The following SNX25 variants were observed in gnomAD, a reference collection of about 807,000 sequenced individuals.
SNX25 encodes the protein sorting nexin 25, also known as sorting nexin-25.
In SNX25, 62 loss-of-function variants were observed where a neutral mutation model predicts 113.7. The observed-to-expected ratio is 0.55, with a 90% CI of 0.44 to 0.67. The LOEUF (loss-of-function observed/expected upper bound fraction) is 0.67, where lower values mean the gene tolerates loss of function less well. Ranked by LOEUF, SNX25 falls within the 30% of genes least tolerant of loss-of-function variation. The pLI, the probability that SNX25 is intolerant of heterozygous loss-of-function variation, is 0.00. For missense variants in SNX25, 1,014 were observed against 1,161.0 expected (o/e 0.87, Z 1.84); for synonymous variants, 421 against 436.2 (o/e 0.97, Z 0.43).
At chr4:185,294,881 T>C (rs1055437294) in intron 6 of SNX25, among the ~76,000 whole-genome samples, 6 of 152,300 alleles carry the variant, frequency 3.9e-5, no homozygotes, top group Admixed American at 2.0e-4. Context: ...TTACTTTTTC[T>C]TTTAACTCAG....
downstream of SNX25, chr4:185,370,979 C>G: frequency 1.6e-6 from 1 of 623,286 alleles, no homozygotes; most frequent in Non-Finnish European, 2.7e-6. Context: ...GCACCTCATA[C>G]CAGGAGAAGA....
rs2095344802 is a variant in SNX25, at chr4:185,357,614, A to G, written c.2585-57A>G. 3 of 1,365,016 alleles carry G rather than the reference A, an allele frequency of 2.2e-6. No homozygotes were observed. The South Asian group carries it at 3.5e-5, about 16-fold the overall frequency. The allele number at this position is 1,365,016 out of a possible 1,614,324, so 84.6% of individuals were successfully genotyped here. A position where few individuals can be genotyped will look rare whatever the true frequency, so the allele number is the denominator to read the frequency against. ...GATTTATGCTTTGTACAGCTATGAAAATGTCCCAAATTGTGATGCCCTGTG... is the reference window on the plus strand; with the variant it reads ...GATTTATGCTTTGTACAGCTATGAAGATGTCCCAAATTGTGATGCCCTGTG... On this transcript the variant is annotated intron_variant, in intron 15 of 18. Coordinates refer to ENST00000652585, the MANE Select transcript of SNX25 (RefSeq NM_001378034.2).
chr4:185,259,911 A>G (rs1047006852), intron 3 of SNX25, among the ~76,000 whole-genome samples: 1 of 151,838 alleles, frequency 6.6e-6, no homozygotes, highest in Non-Finnish European at 1.5e-5. Context: ...GCAGGTCTCC[A>G]TTCCCAGCTG....
At chr4:185,346,934 C>T (rs1311653208) in intron 13 of SNX25, among the ~76,000 whole-genome samples, 1 of 152,250 alleles carries the variant, frequency 6.6e-6, no homozygotes, top group East Asian at 1.9e-4. Flanking sequence ...CCCATCGCTG[C>T]AGCCCCTCTA....
intron 2 of SNX25, 82 bp from the exon 3 acceptor site, chr4:185,258,766 G>A (rs984292066): frequency 9.4e-7 from 1 of 1,062,760 alleles, no homozygotes; most frequent in South Asian, 1.4e-5. Context: ...TAAATAGTAG[G>A]TGGCCAGTTT....
intron 1 of SNX25, among the ~76,000 whole-genome samples, chr4:185,226,429 A>G (rs1390393105): frequency 2.6e-5 from 4 of 152,212 alleles, no homozygotes; most frequent in Non-Finnish European, 2.9e-5. Flanking sequence ...TGGTGGTCAC[A>G]TAAGTCTGAA....
chr4:185,220,431 G>C lies in SNX25; in HGVS notation c.429+10176G>C, dbSNP rs564714726. ...ATATCTCCTAATGCTTGTTCCTCTTGTTTCTGTGTCAGTGAATAGCACCTC... is the reference window on the plus strand; with the variant it reads ...ATATCTCCTAATGCTTGTTCCTCTTCTTTCTGTGTCAGTGAATAGCACCTC... On this transcript the variant is annotated intron_variant, in intron 1 of 18. Transcript: ENST00000652585. Among the ~76,000 whole-genome samples the C allele has an allele frequency of 4.0e-5, 6 of 148,486 alleles. No homozygotes were observed. In the South Asian group the frequency reaches 1.3e-3, roughly 32 times the overall value.
At chr4:185,277,063 C>G (rs757528867) in intron 5 of SNX25, among the ~76,000 whole-genome samples, 1 of 152,174 alleles carries the variant, frequency 6.6e-6, no homozygotes, top group Non-Finnish European at 1.5e-5. Context: ...CTCGCTCTGT[C>G]ACCCAGGCTG....
chr4:185,287,426 G>C (rs1056202419), intron 5 of SNX25, among the ~76,000 whole-genome samples: 1 of 152,196 alleles, frequency 6.6e-6, no homozygotes, highest in Non-Finnish European at 1.5e-5. Flanking sequence ...GCTGCACTCA[G>C]GCAGGGCAGT....
chr4:185,229,564 G>A (rs1256941572), intron 1 of SNX25, among the ~76,000 whole-genome samples: 1 of 152,162 alleles, frequency 6.6e-6, no homozygotes, highest in Non-Finnish European at 1.5e-5. Context: ...GCTGAGGGTG[G>A]GTAGAATGGG....
chr4:185,332,798 A>G, intron 10 of SNX25, 39 bp downstream of exon 10: 1 of 1,589,178 alleles, frequency 6.3e-7, no homozygotes, highest in Non-Finnish European at 8.6e-7. Context: ...GAAAGTTAAC[A>G]TTTGTCTAAT....
intron 1 of SNX25, among the ~76,000 whole-genome samples, chr4:185,237,475 C>T (rs1742811941): frequency 6.6e-6 from 1 of 152,074 alleles, no homozygotes; most frequent in South Asian, 2.1e-4. Context: ...ACTTTTCAAC[C>T]CCTCCGTGCT....
chr4:185,294,420 C>A (rs1752583416), intron 6 of SNX25, among the ~76,000 whole-genome samples: 1 of 152,084 alleles, frequency 6.6e-6, no homozygotes, highest in Non-Finnish European at 1.5e-5. Flanking sequence ...AGATTGAGTG[C>A]TCTAGATAAT....
At chr4:185,378,319 C>T in the SNX25 span, 1 of 1,466,160 alleles carries the variant, frequency 6.8e-7, no homozygotes, top group Non-Finnish European at 9.0e-7. Context: ...TCTCTCATCG[C>T]CTAGATAGAA....
At chr4:185,357,864 T>C in intron 16 of SNX25, 127 bp downstream of exon 16, 2 of 790,034 alleles carry the variant, frequency 2.5e-6, no homozygotes, top group Non-Finnish European at 4.2e-6. Flanking sequence ...TTTTCGTTTC[T>C]GATATGATTC....
chr4:185,215,486 G>A (rs1170795432), intron 1 of SNX25, among the ~76,000 whole-genome samples: 1 of 152,154 alleles, frequency 6.6e-6, no homozygotes, highest in African/African-American at 2.4e-5. Flanking sequence ...TAATACAAAT[G>A]TTCTTTGAGT....
chr4:185,235,441 C>T (rs755365335), intron 1 of SNX25, among the ~76,000 whole-genome samples: 2 of 152,156 alleles, frequency 1.3e-5, no homozygotes, highest in Non-Finnish European at 2.9e-5. Flanking sequence ...CCTGGGCTTT[C>T]AAGGGACATG....
chr4:185,257,628 T>C (rs1746649350), intron 2 of SNX25, among the ~76,000 whole-genome samples: 1 of 152,222 alleles, frequency 6.6e-6, no homozygotes, highest in Non-Finnish European at 1.5e-5. Flanking sequence ...TTTTACCTGT[T>C]TCTTTTTACT....
At chr4:185,352,843 C>A (rs914348834) in intron 14 of SNX25, among the ~76,000 whole-genome samples, 4 of 152,204 alleles carry the variant, frequency 2.6e-5, no homozygotes, top group Non-Finnish European at 5.9e-5. Flanking sequence ...CCTCCAGCAC[C>A]TAATGTTTGC....
Sources: allele counts gnomAD v4.1 joint callset (sites outside exome capture counted in the v4.1 genomes callset), GRCh38; gene constraint gnomAD v4.1.1; transcripts MANE v1.5; gene names NCBI Gene and HGNC (gene_info 2026-07-23, HGNC 2026-07-21).